B3GALT1: variants seen among roughly 807,000 people sequenced by gnomAD.
The protein encoded by B3GALT1 is UDP-Gal:betaGlcNAc beta 1,3-galactosyltransferase, polypeptide 1.
Under a neutral mutation model 23.2 loss-of-function variants are expected in B3GALT1, and 10 were observed. The observed-to-expected ratio is 0.43, with a 90% CI of 0.27 to 0.73. The LOEUF is 0.73. B3GALT1 is among the 30% of genes least tolerant of loss of function. The pLI, the probability that B3GALT1 is intolerant of heterozygous loss-of-function variation, is 0.21. For missense variants in B3GALT1, 299 were observed against 405.4 expected, an observed-to-expected ratio of 0.74 and a Z score of 2.25; for synonymous variants, 156 against 141.5, an observed-to-expected ratio of 1.10 and a Z score of -0.73.
chr2:167,873,566 AATTG>A lies in B3GALT1; in HGVS notation c.*3550_*3553del, dbSNP rs1223629393. ...TCCTAATATGTGGGTTTAGTGGGAG[AATTG>A]ATTATGTCATTTCTTCTGTAAAGGT... On this transcript the variant is annotated 3_prime_UTR_variant, in exon 5 of 5. Transcript: ENST00000392690. 6.6e-6 allele frequency: 1 copy of A among 152,182 alleles called. No homozygotes were observed. The highest frequency in any genetic ancestry group is 1.5e-5 in the Non-Finnish European group (1 of 68,036). 9.4% of individuals were successfully genotyped at this position (152,182 alleles called of 1,614,324 possible).
At chr2:167,487,112 T>C (rs1699639596) in intron 1 of B3GALT1, among the ~76,000 whole-genome samples, 1 of 152,216 alleles carries the variant, frequency 6.6e-6, no homozygotes, top group South Asian at 2.1e-4. Context: ...GTAAAGAAAC[T>C]GTCCTTGTAG....
At chr2:167,329,791 T>A (rs1589728) in intron 1 of B3GALT1, among the ~76,000 whole-genome samples, 120,894 of 150,868 alleles carry the variant, frequency 0.8, 49,876 homozygotes, top group Non-Finnish European at 0.91. Context: ...TATAGTATCC[T>A]TAACTGGCAG....
rs11897627 is a variant in B3GALT1 at position 167,568,626 on chromosome 2, C to A, written c.-409-78283C>A. On this transcript the variant is annotated intron_variant, in intron 2 of 4. Coordinates refer to ENST00000392690, the MANE Select transcript of B3GALT1 (RefSeq NM_020981.4). ...GTTTTTTAATATATATTTTAGATAA[C>A]AATATTTTATCAGATGCATCTTCTG... 4.0e-3 allele frequency among the ~76,000 whole-genome samples: 614 copies of A among 152,034 alleles called. 5 individuals carry two copies. The highest frequency in any genetic ancestry group is 0.014 in the African/African-American group (580 of 41,526).
intron 1 of B3GALT1, among the ~76,000 whole-genome samples, chr2:167,455,217 A>G (rs925929063): frequency 2.0e-5 from 3 of 152,326 alleles, no homozygotes; most frequent in Admixed American, 2.0e-4. Context: ...GACTTTATGG[A>G]ATGATGACAT....
At chr2:167,813,407 A>G (rs920025820) in intron 3 of B3GALT1, among the ~76,000 whole-genome samples, 1 of 152,144 alleles carries the variant, frequency 6.6e-6, no homozygotes, top group Admixed American at 6.5e-5. Flanking sequence ...TATAGTCAAC[A>G]CTGAGTCACT....
chr2:167,639,903 A>G (rs1387050516), intron 2 of B3GALT1, among the ~76,000 whole-genome samples: 1 of 152,162 alleles, frequency 6.6e-6, no homozygotes, highest in Non-Finnish European at 1.5e-5. Flanking sequence ...AGACCCTACC[A>G]GGAGGAATGA....
chr2:167,591,101 GATAA>G (rs1684671681), intron 2 of B3GALT1, among the ~76,000 whole-genome samples: 1 of 152,132 alleles, frequency 6.6e-6, no homozygotes, highest in Non-Finnish European at 1.5e-5. Flanking sequence ...CAATAAAAAA[GATAA>G]ATAAGTGAAA....
Position 167,488,886 on chromosome 2 carries a change from T to C in B3GALT1, c.-510-1291T>C, listed in dbSNP as rs112260935. Among the ~76,000 whole-genome samples the C allele has an allele frequency of 4.0e-3, 613 of 152,226 alleles. 3 individuals are homozygous for C. The highest frequency in any genetic ancestry group is 0.014 in the African/African-American group (568 of 41,530). ...TCATGCAACTTTAAGATTTTTCGATTTATCCATAGATGTTTAATTGAATTC... is the reference window on the plus strand; with the variant it reads ...TCATGCAACTTTAAGATTTTTCGATCTATCCATAGATGTTTAATTGAATTC... On this transcript the variant is annotated intron_variant, in intron 1 of 4. Coordinates refer to ENST00000392690, the MANE Select transcript of B3GALT1 (RefSeq NM_020981.4).
intron 1 of B3GALT1, among the ~76,000 whole-genome samples, chr2:167,326,395 A>T (rs1385195207): frequency 2.0e-5 from 3 of 151,272 alleles, no homozygotes; most frequent in African/African-American, 7.3e-5. Context: ...TTTTCTCTTT[A>T]CTCTGTTGAT....
chr2:167,696,742 C>G (rs948409225), intron 3 of B3GALT1, among the ~76,000 whole-genome samples: 1 of 152,146 alleles, frequency 6.6e-6, no homozygotes, highest in Non-Finnish European at 1.5e-5. Flanking sequence ...TAAATGGTAA[C>G]ATAAATAATA....
intron 3 of B3GALT1, among the ~76,000 whole-genome samples, chr2:167,724,559 A>C (rs991199486): frequency 6.6e-6 from 1 of 152,198 alleles, no homozygotes; most frequent in Non-Finnish European, 1.5e-5. Flanking sequence ...GCTTTTTACT[A>C]TATGGGTTAT....
chr2:167,809,247 G>T (rs1013858646), intron 3 of B3GALT1, among the ~76,000 whole-genome samples: 4 of 152,104 alleles, frequency 2.6e-5, no homozygotes, highest in African/African-American at 7.2e-5. Context: ...CTTTAGCTCG[G>T]AGTAGTTTGA....
chr2:167,349,075 T>A (rs933214644), intron 1 of B3GALT1, among the ~76,000 whole-genome samples: 1 of 152,196 alleles, frequency 6.6e-6, no homozygotes, highest in Non-Finnish European at 1.5e-5. Flanking sequence ...GTGAAATAGG[T>A]AACTGTATAC....
chr2:167,806,284 T>C (rs1368910269), intron 3 of B3GALT1, among the ~76,000 whole-genome samples: 2 of 152,164 alleles, frequency 1.3e-5, no homozygotes, highest in African/African-American at 4.8e-5. Context: ...ACAGGGACAA[T>C]TTGACTTCCT....
chr2:167,354,015 C>T (rs1697361458), intron 1 of B3GALT1, among the ~76,000 whole-genome samples: 1 of 152,026 alleles, frequency 6.6e-6, no homozygotes, highest in Admixed American at 6.5e-5. Flanking sequence ...TAGTCCTTTT[C>T]TTGTTCTGTA....
intron 3 of B3GALT1, among the ~76,000 whole-genome samples, chr2:167,668,269 C>T (rs970327073): frequency 2.6e-5 from 4 of 152,190 alleles, no homozygotes; most frequent in African/African-American, 9.6e-5. Context: ...TCTCGGAGGT[C>T]AGGGGTCAGG....
chr2:167,841,322 G>T (rs752072490), intron 4 of B3GALT1, among the ~76,000 whole-genome samples: 2 of 151,814 alleles, frequency 1.3e-5, no homozygotes, highest in African/African-American at 2.4e-5. Flanking sequence ...AACATGCTTA[G>T]CCTTACAACA....
chr2:167,335,064 G>T (rs1036507764), intron 1 of B3GALT1, among the ~76,000 whole-genome samples: 1 of 152,092 alleles, frequency 6.6e-6, no homozygotes, highest in Non-Finnish European at 1.5e-5. Flanking sequence ...AACTTTAGGT[G>T]TAATTTGTAG....
intron 2 of B3GALT1, among the ~76,000 whole-genome samples, chr2:167,550,129 C>T (rs1390655224): frequency 6.6e-6 from 1 of 152,218 alleles, no homozygotes; most frequent in Non-Finnish European, 1.5e-5. Flanking sequence ...CAAAAGTCAA[C>T]ATCCTTCTCA....
Sources: allele counts gnomAD v4.1 joint callset (sites outside exome capture counted in the v4.1 genomes callset), GRCh38; gene constraint gnomAD v4.1.1; transcripts MANE v1.5; gene names NCBI Gene and HGNC (gene_info 2026-07-23, HGNC 2026-07-21).